The following SDCCAG8 variants were observed in gnomAD, a reference collection of about 807,000 sequenced individuals.
SDCCAG8 encodes serologically defined colon cancer antigen 8.
A neutral mutation model predicts 101.8 loss-of-function variants in SDCCAG8; 74 were observed. The ratio of observed to expected loss-of-function variants is 0.73; its 90% confidence interval spans 0.60 to 0.88. The LOEUF is 0.88. SDCCAG8 is among the 40% of genes least tolerant of loss of function. The probability of loss-of-function intolerance (pLI) is 0.00; values close to 1 mark genes in which losing one functional copy is unlikely to be tolerated. For synonymous variants in SDCCAG8, 281 were observed against 292.9 expected, an observed-to-expected ratio of 0.96 and a Z score of 0.41; for missense variants, 787 against 822.6, an observed-to-expected ratio of 0.96 and a Z score of 0.53.
chr1:243,304,610 G>A (rs550251747), intron 6 of SDCCAG8, 103 bp from the exon 7 acceptor site: 17 of 678,184 alleles, frequency 2.5e-5, no homozygotes, highest in African/African-American at 1.6e-4. Flanking sequence ...TTTCCCCCAC[G>A]TTGGGTAAAA....
intron 9 of SDCCAG8, chr1:243,318,107 AT>A: frequency 2.2e-6 from 1 of 456,482 alleles, no homozygotes; most frequent in Non-Finnish European, 4.4e-6. Context: ...ATCAATCTAA[AT>A]GTTCATCACT....
intron 12 of SDCCAG8, among the ~76,000 whole-genome samples, chr1:243,375,847 G>A (rs1442985628): frequency 2.6e-5 from 4 of 152,122 alleles, no homozygotes; most frequent in African/African-American, 9.7e-5. Flanking sequence ...CTCTTCTAAC[G>A]GTTGGACTTG....
At chr1:243,264,937 A>AT (rs982255515) in intron 1 of SDCCAG8, among the ~76,000 whole-genome samples, 1 of 152,206 alleles carries the variant, frequency 6.6e-6, no homozygotes, top group African/African-American at 2.4e-5. Flanking sequence ...TTAGAAACAG[A>AT]TAAAGCTGTG....
rs2078837534 is a variant in SDCCAG8 at position 243,393,435 on chromosome 1, G to A, written c.1616+14572G>A. Among the ~76,000 whole-genome samples the A allele has an allele frequency of 2.0e-5, 3 of 151,582 alleles. No individual in the cohort carries two copies. The South Asian group carries it at 6.3e-4, about 32-fold the overall frequency. On this transcript the variant is annotated intron_variant, in intron 13 of 17. Transcript: ENST00000366541. ...CGAGTGCCATGATGTTTGCAGTGGT[G>A]TGCCCATTGGTCTGAGATAAGACCT... is the stretch of plus-strand genomic sequence containing the variant.
chr1:243,441,009 G>T (rs1421514629), intron 16 of SDCCAG8, among the ~76,000 whole-genome samples: 1 of 152,058 alleles, frequency 6.6e-6, no homozygotes, highest in Non-Finnish European at 1.5e-5. Flanking sequence ...ATCCATAAAA[G>T]AATTTATTTT....
intron 15 of SDCCAG8, among the ~76,000 whole-genome samples, chr1:243,425,341 T>C (rs1383787243): frequency 1.3e-5 from 2 of 152,118 alleles, no homozygotes; most frequent in African/African-American, 2.4e-5. Flanking sequence ...TGAACCAAGA[T>C]GAAAACAAAA....
At chr1:243,268,503 G>T (rs1035128026) in intron 1 of SDCCAG8, among the ~76,000 whole-genome samples, 1 of 152,218 alleles carries the variant, frequency 6.6e-6, no homozygotes, top group Non-Finnish European at 1.5e-5. Context: ...AGAAAGATCT[G>T]TGTGGACATA....
intron 12 of SDCCAG8, among the ~76,000 whole-genome samples, chr1:243,376,693 T>C (rs1221247442): frequency 6.6e-6 from 1 of 152,112 alleles, no homozygotes; most frequent in Non-Finnish European, 1.5e-5. Flanking sequence ...TCCTTTTATT[T>C]CCATAAAATC....
chr1:243,372,976 A>C (rs2077391409), intron 12 of SDCCAG8, among the ~76,000 whole-genome samples: 1 of 148,726 alleles, frequency 6.7e-6, no homozygotes, highest in Non-Finnish European at 1.5e-5. Context: ...CTTAATATAT[A>C]TATAAGATAA....
chr1:243,401,216 T>C (rs2079376928), intron 13 of SDCCAG8, among the ~76,000 whole-genome samples: 1 of 152,256 alleles, frequency 6.6e-6, no homozygotes, highest in Non-Finnish European at 1.5e-5. Context: ...AAATTACATT[T>C]CCTTCAATAA....
intron 2 of SDCCAG8, 49 bp from the exon 3 acceptor site, chr1:243,270,929 A>G: frequency 7.4e-7 from 1 of 1,354,180 alleles, no homozygotes; most frequent in Non-Finnish European, 1.1e-6. Context: ...GTGGTAAGAA[A>G]CCATGGATCT....
chr1:243,471,166 C>T (rs1661191394), intron 16 of SDCCAG8, among the ~76,000 whole-genome samples: 1 of 152,020 alleles, frequency 6.6e-6, no homozygotes, highest in South Asian at 2.1e-4. Context: ...GTTGGAGCGT[C>T]TGGATTAGCA....
At chr1:243,435,240 CT>C (rs1332358702) in intron 16 of SDCCAG8, among the ~76,000 whole-genome samples, 1 of 152,204 alleles carries the variant, frequency 6.6e-6, no homozygotes, top group Non-Finnish European at 1.5e-5. Context: ...GTTCTCTGGG[CT>C]TTCCTCAGTT....
intron 16 of SDCCAG8, among the ~76,000 whole-genome samples, chr1:243,483,349 GC>G (rs1277364443): frequency 6.6e-6 from 1 of 152,094 alleles, no homozygotes; most frequent in Non-Finnish European, 1.5e-5. Flanking sequence ...AAACAGCGGT[GC>G]CCTCTACGTG....
Position 243,401,289 on chromosome 1 carries a change from G to T in SDCCAG8, c.1617-14413G>T, listed in dbSNP as rs895012801. ...TCACTGGCTTATTTGTATTCCTCAAGGTGCAGAAAATGTTTGGGAATAAGC... is the reference window on the plus strand; with the variant it reads ...TCACTGGCTTATTTGTATTCCTCAATGTGCAGAAAATGTTTGGGAATAAGC... On this transcript the variant is annotated intron_variant, in intron 13 of 17. Coordinates refer to ENST00000366541, the MANE Select transcript of SDCCAG8 (RefSeq NM_006642.5). Among the ~76,000 whole-genome samples, 2 of 152,170 alleles carry T rather than the reference G, an allele frequency of 1.3e-5. 1 individual carries two copies. The highest frequency in any genetic ancestry group is 2.9e-5 in the Non-Finnish European group (2 of 68,042).
intron 15 of SDCCAG8, among the ~76,000 whole-genome samples, chr1:243,425,200 C>G (rs565682009): frequency 1.3e-5 from 2 of 152,172 alleles, no homozygotes; most frequent in Middle Eastern, 3.4e-3. Context: ...AGACAAGGCA[C>G]AGAGCACAAT....
At chr1:243,386,621 C>T (rs927903402) in intron 13 of SDCCAG8, among the ~76,000 whole-genome samples, 3 of 152,052 alleles carry the variant, frequency 2.0e-5, no homozygotes, top group Non-Finnish European at 4.4e-5. Flanking sequence ...GGCATGATGG[C>T]ACACGTCCGT....
intron 13 of SDCCAG8, among the ~76,000 whole-genome samples, chr1:243,396,627 A>G (rs1342352727): frequency 6.6e-6 from 1 of 152,212 alleles, no homozygotes; most frequent in Non-Finnish European, 1.5e-5. Flanking sequence ...CAATTTTTAT[A>G]TAGTGTAAAC....
intron 10 of SDCCAG8, among the ~76,000 whole-genome samples, chr1:243,331,438 T>A (rs1254740235): frequency 6.6e-5 from 10 of 152,216 alleles, no homozygotes; most frequent in Non-Finnish European, 4.4e-5. Flanking sequence ...CAATGTGTGA[T>A]AATTAACTTA....
Sources: allele counts gnomAD v4.1 joint callset (sites outside exome capture counted in the v4.1 genomes callset), GRCh38; gene constraint gnomAD v4.1.1; transcripts MANE v1.5; gene names NCBI Gene and HGNC (gene_info 2026-07-23, HGNC 2026-07-21).